The following RFTN1 variants were observed in gnomAD, a reference collection of about 807,000 sequenced individuals.
RFTN1 encodes the protein raftlin.
In RFTN1, 26 loss-of-function variants were observed where a neutral mutation model predicts 46.5. The ratio of observed to expected loss-of-function variants is 0.56; its 90% CI spans 0.41 to 0.78. The LOEUF is 0.78. RFTN1 is among the 30% of genes least tolerant of loss of function. The pLI is 0.00. For missense variants in RFTN1, 693 were observed against 718.7 expected (o/e 0.96, Z 0.41); for synonymous variants, 261 against 284.2 (o/e 0.92, Z 0.82).
At position 16,471,074 on chromosome 3, in the gene RFTN1, G is replaced by T. The variant is rs528892464; in HGVS notation, c.145+22651C>A. ...GAAGTGGTCTCCACTTTTTATATCT[G>T]TTCCCAAAAACCACAGAATAAAGCA... On this transcript the variant is annotated intron_variant, in intron 2 of 9. Transcript: ENST00000334133. 3.9e-5 allele frequency among the ~76,000 whole-genome samples: 6 copies of T among 152,248 alleles called. No individual in the cohort carries two copies. In the South Asian group the frequency reaches 1.2e-3, roughly 32 times the overall value.
intron 2 of RFTN1, among the ~76,000 whole-genome samples, chr3:16,469,818 T>C (rs902933935): frequency 2.0e-5 from 3 of 152,150 alleles, no homozygotes; most frequent in Non-Finnish European, 2.9e-5. Flanking sequence ...CAGGGGAAGA[T>C]AGGACAAACA....
In RFTN1 at chr3:16,507,895, G is replaced by A. The variant is rs866199521; in HGVS notation, c.-9+5547C>T. On this transcript the variant is annotated intron_variant, in intron 1 of 9. Transcript: ENST00000334133. The surrounding 1 kb of genome is among the most constrained non-coding windows in gnomAD (Gnocchi z 7.1). ...CACATATGAAAGCTGATAGGCCCCCGTAAAGAATAAATTGTAACCCTCAAG... is the reference window on the plus strand; with the variant it reads ...CACATATGAAAGCTGATAGGCCCCCATAAAGAATAAATTGTAACCCTCAAG... 3.9e-5 allele frequency among the ~76,000 whole-genome samples: 6 copies of A among 151,946 alleles called. No homozygotes were observed. Among genetic ancestry groups the A allele is most frequent in the African/African-American group, 1.2e-4 (5 of 41,414 alleles).
rs1354648271 is a variant in RFTN1, at chr3:16,352,329, G to A, written c.1146+5603C>T. Among the ~76,000 whole-genome samples, 2 of 152,188 alleles carry A rather than the reference G, an allele frequency of 1.3e-5. No individual in the cohort carries two copies. The highest frequency in any genetic ancestry group is 4.8e-5 in the African/African-American group (2 of 41,448). Reference sequence around the variant, plus strand: ...TCTATAAGCTCTGATGGGCTGTCAGGCTCAAAGATAAACAGATTCAGAGGG... The same window carrying A: ...TCTATAAGCTCTGATGGGCTGTCAGACTCAAAGATAAACAGATTCAGAGGG... On this transcript the variant is annotated intron_variant, in intron 7 of 9. Coordinates refer to ENST00000334133, the MANE Select transcript of RFTN1 (RefSeq NM_015150.2). This position sits in a 1 kb window ranked among gnomAD's most constrained non-coding sequence, Gnocchi z 4.6.
chr3:16,378,110 G>A lies in RFTN1; in HGVS notation c.442-8C>T. ...GCTTGCAGCCTCCTGGATCTGTGAG[G>A]CAAACAAAAGGAAGGGAAACAAGTG... On this transcript the variant is annotated splice_polypyrimidine_tract_variant and splice_region_variant and intron_variant, in intron 4 of 9. Transcript: ENST00000334133. 6.2e-7 allele frequency: 1 copy of A among 1,603,174 alleles called. No individual in the cohort carries two copies.
chr3:16,457,758 C>T lies in RFTN1; in HGVS notation c.146-23721G>A, dbSNP rs1425065070. Among the ~76,000 whole-genome samples the T allele has an allele frequency of 6.6e-6, 1 of 152,108 alleles. No homozygotes were observed. Among genetic ancestry groups the T allele is most frequent in the South Asian group, 2.1e-4 (1 of 4,820 alleles). On this transcript the variant is annotated intron_variant, in intron 2 of 9. Transcript: ENST00000334133. The surrounding 1 kb of genome is among the most constrained non-coding windows in gnomAD (Gnocchi z 4.2). ...GACTTTTTACCATTAAGACTTAATT[C>T]GATAGACATGGCTGTGGTCTGAATG...
intron 4 of RFTN1, among the ~76,000 whole-genome samples, chr3:16,391,940 T>C (rs2074361768): frequency 7.3e-6 from 1 of 137,644 alleles, no homozygotes; most frequent in South Asian, 2.6e-4. Context: ...AAGTGAAACA[T>C]CCCACCTAAA....
chr3:16,378,403 A>C (rs2073865224), intron 4 of RFTN1, among the ~76,000 whole-genome samples: 1 of 152,216 alleles, frequency 6.6e-6, no homozygotes, highest in Non-Finnish European at 1.5e-5. Flanking sequence ...CATTTTTTAA[A>C]GAGGCTGGAA....
intron 2 of RFTN1, among the ~76,000 whole-genome samples, chr3:16,471,505 C>T (rs2076194763): frequency 6.6e-6 from 1 of 152,148 alleles, no homozygotes; most frequent in Non-Finnish European, 1.5e-5. Flanking sequence ...ACTTGGTGCA[C>T]AGTCGAGTGC....
chr3:16,440,985 T>G lies in RFTN1; in HGVS notation c.146-6948A>C, dbSNP rs779229044. 6.6e-6 allele frequency among the ~76,000 whole-genome samples: 1 copy of G among 152,178 alleles called. No individual in the cohort carries two copies. The highest frequency in any genetic ancestry group is 2.4e-5 in the African/African-American group (1 of 41,428). On this transcript the variant is annotated intron_variant, in intron 2 of 9. Coordinates refer to ENST00000334133, the MANE Select transcript of RFTN1 (RefSeq NM_015150.2). This position sits in a 1 kb window ranked among gnomAD's most constrained non-coding sequence, Gnocchi z 4.6. ...TCATCCCACATCATCACAAGGTACATCAAAAGCTTCAAGGACACATCTGCA... is the reference window on the plus strand; with the variant it reads ...TCATCCCACATCATCACAAGGTACAGCAAAAGCTTCAAGGACACATCTGCA...
Position 16,378,103 on chromosome 3 carries a change from C to A in RFTN1, c.442-1G>T. 1 of 1,606,172 alleles carries A rather than the reference C, an allele frequency of 6.2e-7. No homozygotes were observed. The highest frequency in any genetic ancestry group is 8.5e-7 in the Non-Finnish European group (1 of 1,173,286). Reference sequence around the variant, plus strand: ...GGCCCTGGCTTGCAGCCTCCTGGATCTGTGAGGCAAACAAAAGGAAGGGAA... The same window carrying A: ...GGCCCTGGCTTGCAGCCTCCTGGATATGTGAGGCAAACAAAAGGAAGGGAA... On this transcript the variant is annotated splice_acceptor_variant, in intron 4 of 9. Coordinates refer to ENST00000334133, the MANE Select transcript of RFTN1 (RefSeq NM_015150.2). LOFTEE classifies it high-confidence loss of function.
intron 7 of RFTN1, among the ~76,000 whole-genome samples, chr3:16,340,497 A>G (rs1182266303): frequency 2.0e-5 from 3 of 152,274 alleles, no homozygotes; most frequent in African/African-American, 4.8e-5. Context: ...TGGCTGAAAA[A>G]TTGATCAGAT....
At chr3:16,405,820 G>A (rs573485799) in intron 4 of RFTN1, among the ~76,000 whole-genome samples, 1 of 152,134 alleles carries the variant, frequency 6.6e-6, no homozygotes, top group East Asian at 1.9e-4. Flanking sequence ...ATGACAAAAC[G>A]AGTTAATTAC....
At chr3:16,420,308 T>C (rs1480747563) in intron 3 of RFTN1, among the ~76,000 whole-genome samples, 1 of 152,216 alleles carries the variant, frequency 6.6e-6, no homozygotes, top group Non-Finnish European at 1.5e-5. Flanking sequence ...TCCTTTACAT[T>C]GACAGATGTA....
chr3:16,377,213 G>A (rs1575174693), intron 5 of RFTN1, among the ~76,000 whole-genome samples: 1 of 152,046 alleles, frequency 6.6e-6, no homozygotes, highest in Non-Finnish European at 1.5e-5. Context: ...GCAGAGAGGC[G>A]TGAAGGGATG....
intron 5 of RFTN1, among the ~76,000 whole-genome samples, chr3:16,375,731 T>TC (rs1483706286): frequency 6.6e-6 from 1 of 152,148 alleles, no homozygotes; most frequent in East Asian, 1.9e-4. Context: ...CTTTAATCCC[T>TC]CCTCCTGGCC....
intron 2 of RFTN1, among the ~76,000 whole-genome samples, chr3:16,482,276 C>T (rs984902987): frequency 6.6e-6 from 1 of 152,202 alleles, no homozygotes; most frequent in African/African-American, 2.4e-5. Flanking sequence ...AAAAACATCT[C>T]TAGACTTGTA....
intron 2 of RFTN1, among the ~76,000 whole-genome samples, chr3:16,436,035 T>C (rs2125500870): frequency 6.6e-6 from 1 of 151,270 alleles, no homozygotes; most frequent in Non-Finnish European, 1.5e-5. Flanking sequence ...ATCAGTGATG[T>C]ATAAAGTTAT....
chr3:16,409,904 C>A (rs1297554823), intron 3 of RFTN1, among the ~76,000 whole-genome samples: 1 of 151,970 alleles, frequency 6.6e-6, no homozygotes, highest in Non-Finnish European at 1.5e-5. Flanking sequence ...ACAGGCTGGT[C>A]TGGAACTCCT....
chr3:16,397,794 CTT>C (rs2074503930), intron 4 of RFTN1, among the ~76,000 whole-genome samples: 5 of 37,118 alleles, frequency 1.3e-4, no homozygotes, highest in Admixed American at 3.5e-4. Flanking sequence ...CTCTCTCTCT[CTT>C]TCTTTTTTCT....
Sources: allele counts gnomAD v4.1 joint callset (sites outside exome capture counted in the v4.1 genomes callset), GRCh38; gene constraint gnomAD v4.1.1; non-coding constraint Gnocchi (gnomAD v3.1); transcripts MANE v1.5; gene names NCBI Gene and HGNC (gene_info 2026-07-23, HGNC 2026-07-21).